FAM114A2: variants seen among roughly 807,000 people sequenced by gnomAD.
FAM114A2 encodes protein FAM114A2.
A neutral mutation model predicts 58.4 loss-of-function variants in FAM114A2; 53 were observed. That is an observed-to-expected ratio of 0.91 (90% CI 0.73 to 1.14). The LOEUF is 1.14. Ranked by LOEUF, FAM114A2 falls within the 50% of genes most tolerant of loss-of-function variation. FAM114A2 has a pLI of 0.00. For missense variants in FAM114A2, 601 were observed against 581.1 expected (o/e 1.03, Z -0.35); for synonymous variants, 228 against 211.4 (o/e 1.08, Z -0.68).
chr5:154,011,581 T>C (rs1282647791), intron 8 of FAM114A2, among the ~76,000 whole-genome samples: 1 of 152,136 alleles, frequency 6.6e-6, no homozygotes, highest in African/African-American at 2.4e-5. Context: ...TTGAAGACAT[T>C]AAGTGACTTC....
chr5:154,028,878 C>T (rs1260684816), intron 5 of FAM114A2, among the ~76,000 whole-genome samples: 1 of 152,076 alleles, frequency 6.6e-6, no homozygotes, highest in Non-Finnish European at 1.5e-5. Flanking sequence ...ACACAGAAAA[C>T]TGGGAGAGGA....
At chr5:154,021,960 A>T (rs1401420435) in intron 8 of FAM114A2, among the ~76,000 whole-genome samples, 1 of 152,210 alleles carries the variant, frequency 6.6e-6, no homozygotes, top group Non-Finnish European at 1.5e-5. Context: ...AGACCAATGG[A>T]ACAGAACAGA....
At chr5:153,998,679 C>T (rs1233409137) in intron 11 of FAM114A2, among the ~76,000 whole-genome samples, 1 of 152,174 alleles carries the variant, frequency 6.6e-6, no homozygotes, top group Non-Finnish European at 1.5e-5. Context: ...CCAAATAAGC[C>T]TCTTTTCTTT....
chr5:154,023,324 G>A (rs58728233), intron 8 of FAM114A2, among the ~76,000 whole-genome samples: 7 of 151,918 alleles, frequency 4.6e-5, no homozygotes, highest in East Asian at 1.9e-4. Context: ...ACTTGCACAC[G>A]CATGTTTAAG....
chr5:154,004,025 T>C (rs745815320), intron 9 of FAM114A2, among the ~76,000 whole-genome samples: 32 of 152,174 alleles, frequency 2.1e-4, no homozygotes, highest in Non-Finnish European at 3.8e-4. Context: ...TACAGTTTTG[T>C]ACAGGAGCAA....
Position 154,027,236 on chromosome 5 carries a change from T to TTCA in FAM114A2, c.726_728dup (p.Asp242dup), listed in dbSNP as rs1771847262. 1 of 1,613,614 alleles carries TTCA rather than the reference T, an allele frequency of 6.2e-7. No homozygotes were observed. The highest frequency in any genetic ancestry group is 8.5e-7 in the Non-Finnish European group (1 of 1,179,650). ...CTTCTAGATGTGAAAGGCCTTGAAA[T>TTCA]TCATCAAAGAGTAGCCCATAATGAG... On this transcript the variant is annotated inframe_insertion, in exon 7 of 14. Coordinates refer to ENST00000351797, the MANE Select transcript of FAM114A2 (RefSeq NM_018691.4).
chr5:154,025,867 T>C (rs1365204942), intron 8 of FAM114A2, among the ~76,000 whole-genome samples: 1 of 152,208 alleles, frequency 6.6e-6, no homozygotes, highest in Non-Finnish European at 1.5e-5. Context: ...CAAATATACA[T>C]AGTATCTACA....
Position 154,002,929 on chromosome 5 carries a change from G to T in FAM114A2, c.1034C>A (p.Thr345Asn). The T allele has an allele frequency of 6.2e-7, 1 of 1,613,568 alleles. No individual in the cohort carries two copies. The highest frequency in any genetic ancestry group is 1.3e-5 in the African/African-American group (1 of 75,028). ...TAHEWIRKSL[T>N]KPLAENEEGE... Reference sequence around the variant, plus strand: ...TTCTTCATTCTCTGCTAATGGCTTGGTCAGAGACTTCCTGATCCATTCGTG... The same window carrying T: ...TTCTTCATTCTCTGCTAATGGCTTGTTCAGAGACTTCCTGATCCATTCGTG... Residue 345 changes from threonine (T) to asparagine (N), a missense_variant, in exon 10 of 14, where the codon ACC becomes AAC. Transcript: ENST00000351797.
Position 153,992,697 on chromosome 5 carries a change from G to A in FAM114A2, c.*279C>T. The A allele has an allele frequency of 4.1e-6, 1 of 243,256 alleles. No individual in the cohort carries two copies. The highest frequency in any genetic ancestry group is 7.8e-6 in the Non-Finnish European group (1 of 128,198). 15.1% of individuals were successfully genotyped at this position (243,256 alleles called of 1,614,324 possible). ...CAAAGAAAGACCAACATTTTTGCCT[G>A]AGTGTCCCACTAATCTTTATCTAGA... is the stretch of plus-strand genomic sequence containing the variant. On this transcript the variant is annotated 3_prime_UTR_variant, in exon 14 of 14. Transcript: ENST00000351797.
intron 1 of FAM114A2, among the ~76,000 whole-genome samples, chr5:154,037,831 G>A (rs951104020): frequency 5.3e-5 from 8 of 152,094 alleles, no homozygotes; most frequent in African/African-American, 1.9e-4. Flanking sequence ...AAAATTACAG[G>A]CGTGAGCCAC....
chr5:153,994,957 C>G lies in FAM114A2; in HGVS notation c.1345G>C (p.Asp449His), dbSNP rs1206151581. Residue 449 changes from aspartate (D) to histidine (H), a missense_variant, in exon 13 of 14, where the codon GAT becomes CAT. Asp to His is a moderately conservative substitution (Grantham distance 81). Transcript: ENST00000351797. ...LTTAGVKEMA[D>H]VLNPLITAVF... ...GCAGTGATTAATGGGTTAAGGACATCTGCCATTTCTTTGACCTGGAATAAC... is the reference window on the plus strand; with the variant it reads ...GCAGTGATTAATGGGTTAAGGACATGTGCCATTTCTTTGACCTGGAATAAC... 4 of 1,609,436 alleles carry G rather than the reference C, an allele frequency of 2.5e-6. No homozygotes were observed. The highest frequency in any genetic ancestry group is 3.4e-6 in the Non-Finnish European group (4 of 1,176,130).
chr5:154,012,494 A>T (rs951844162), intron 8 of FAM114A2, among the ~76,000 whole-genome samples: 6 of 152,254 alleles, frequency 3.9e-5, no homozygotes, highest in African/African-American at 1.4e-4. Context: ...TACAGTCTAT[A>T]GAATATTTCT....
chr5:154,024,257 A>G (rs1341765154), intron 8 of FAM114A2, among the ~76,000 whole-genome samples: 1 of 152,192 alleles, frequency 6.6e-6, no homozygotes, highest in African/African-American at 2.4e-5. Context: ...TGAGAACATT[A>G]AAGAGCTTTT....
intron 8 of FAM114A2, among the ~76,000 whole-genome samples, chr5:154,018,429 A>C (rs1019466556): frequency 6.6e-6 from 1 of 152,166 alleles, no homozygotes; most frequent in African/African-American, 2.4e-5. Flanking sequence ...AAAAATTACC[A>C]ACAAAAAAAA....
intron 9 of FAM114A2, among the ~76,000 whole-genome samples, chr5:154,008,245 A>T (rs147437053): frequency 2.5e-3 from 381 of 152,292 alleles, no homozygotes; most frequent in Non-Finnish European, 4.0e-3. Context: ...CTATAAAAAC[A>T]GGTGAATGGA....
At position 154,034,986 on chromosome 5, in the gene FAM114A2, A is replaced by AG; in HGVS notation, c.-14-20_-14-19insC. The AG allele has an allele frequency of 7.2e-7, 1 of 1,380,852 alleles. No homozygotes were observed. Among genetic ancestry groups the AG allele is most frequent in the South Asian group, 1.3e-5 (1 of 79,200 alleles). The allele number at this position is 1,380,852 out of a possible 1,614,324, so 85.5% of individuals were successfully genotyped here. ...ACATCAGCTGGTAAAATGAAAGCCC[A>AG]AAAAAAATTTATATAGGCTTCTTTG... is the stretch of plus-strand genomic sequence containing the variant. On this transcript the variant is annotated intron_variant, in intron 1 of 13. Transcript: ENST00000351797.
intron 12 of FAM114A2, among the ~76,000 whole-genome samples, chr5:153,996,572 A>T (rs76873331): frequency 2.5e-4 from 6 of 23,696 alleles, no homozygotes; most frequent in East Asian, 0.011. Flanking sequence ...GGAAAATTAA[A>T]AAAAAAAAAA....
intron 9 of FAM114A2, among the ~76,000 whole-genome samples, chr5:154,007,444 T>A (rs367787276): frequency 6.6e-6 from 1 of 152,126 alleles, no homozygotes; most frequent in Admixed American, 6.5e-5. Flanking sequence ...CCTAATTCAG[T>A]GCTCTTTCCC....
Position 154,028,270 on chromosome 5 carries a change from A to G in FAM114A2, c.509T>C (p.Ile170Thr). ...TAVQSTGKSV[I>T]SGGLDALEFI... is the part of the protein sequence containing the mutation. ...TTCTAAGGCATCCAAACCCCCACTT[A>G]TAACACTCTTTCCCTAGAAAATACA... Residue 170 changes from isoleucine (I) to threonine (T), a missense_variant, in exon 6 of 14, where the codon ATA (isoleucine) becomes ACA (threonine). Coordinates refer to ENST00000351797, the MANE Select transcript of FAM114A2 (RefSeq NM_018691.4). 1.3e-6 allele frequency: 2 copies of G among 1,599,362 alleles called. No individual in the cohort carries two copies. Among genetic ancestry groups the G allele is most frequent in the Non-Finnish European group, 1.7e-6 (2 of 1,169,292 alleles).
Sources: gnomAD v4.1 joint callset for allele counts (sites outside exome capture counted in the v4.1 genomes callset) on GRCh38, gnomAD v4.1.1 for gene constraint, MANE v1.5 for transcripts, NCBI Gene and HGNC (gene_info 2026-07-23, HGNC 2026-07-21) for gene names.